NR2E3: variants seen among roughly 807,000 people sequenced by gnomAD.
The protein encoded by NR2E3 is photoreceptor-specific nuclear receptor.
A neutral mutation model predicts 37.6 loss-of-function variants in NR2E3; 38 were observed. The observed-to-expected ratio is 1.01, with a 90% CI of 0.78 to 1.33. The LOEUF is 1.33. NR2E3 is among the 40% of genes most tolerant of loss of function. The probability of loss-of-function intolerance (pLI) is 0.00; values close to 1 mark genes in which losing one functional copy is unlikely to be tolerated. For synonymous variants in NR2E3, 235 were observed against 225.1 expected (o/e 1.04, Z -0.39); for missense variants, 562 against 558.7 (o/e 1.01, Z -0.06).
chr15:71,811,990 C>T lies in NR2E3; in HGVS notation c.385C>T (p.Gln129Ter), dbSNP rs1259904914. The T allele has an allele frequency of 6.4e-7, 1 of 1,554,336 alleles. No homozygotes were observed. The highest frequency in any genetic ancestry group is 1.9e-5 in the Admixed American group (1 of 51,312). Residue 129 changes from glutamine to a stop codon, truncating the protein, a stop_gained, in exon 4 of 8, where the codon CAG (glutamine) becomes TAG (stop). Transcript: ENST00000617575. LOFTEE classifies it high-confidence loss of function. This position sits in a 1 kb window ranked among gnomAD's most constrained non-coding sequence, Gnocchi z 5.6. ...QNERQPRSTA[Q>*]VHLDSMESNT... ...CGAGCGCCAGCCGCGAAGCACAGCC[C>T]AGGTCCACCTGGACAGCATGGAGTC...
rs758675649 is a variant in NR2E3, at chr15:71,811,751, C to T, written c.246-15C>T. 1.3e-6 allele frequency: 2 copies of T among 1,549,776 alleles called. No individual in the cohort carries two copies. The highest frequency in any genetic ancestry group is 2.4e-5 in the South Asian group (2 of 83,950). ...GGAGGGACACTGACCCCTGGGGTCT[C>T]CTCTTCACCTGCAGGTGCCAGGTGG... is the stretch of plus-strand genomic sequence containing the variant. On this transcript the variant is annotated splice_polypyrimidine_tract_variant and intron_variant, in intron 2 of 7. Transcript: ENST00000617575. This position sits in a 1 kb window ranked among gnomAD's most constrained non-coding sequence, Gnocchi z 5.6.
intron 5 of NR2E3, among the ~76,000 whole-genome samples, chr15:71,812,999 A>G (rs1396736225): frequency 3.3e-5 from 5 of 152,066 alleles, no homozygotes; most frequent in Non-Finnish European, 7.4e-5. Flanking sequence ...GAAAACCAGG[A>G]GGAGAGGCAT....
rs555860015 is a variant in NR2E3 at position 71,811,487 on chromosome 15, G to A, written c.123G>A (p.Val41=). Residue 41 remains valine, a synonymous_variant, in exon 2 of 8, where the codon GTG becomes GTA. Coordinates refer to ENST00000617575, the MANE Select transcript of NR2E3 (RefSeq NM_014249.4). The surrounding 1 kb of genome is among the most constrained non-coding windows in gnomAD (Gnocchi z 5.6). ...RWGLGEDPTG[V]SPSLQCRVCG... ...GCCCTGCCCCCTGCCCCTCAGGCGT[G>A]AGCCCCTCGCTCCAGTGCCGCGTGT... is the stretch of plus-strand genomic sequence containing the variant. 7.0e-5 allele frequency: 109 copies of A among 1,556,926 alleles called. No individual in the cohort carries two copies. In the East Asian group the frequency reaches 2.5e-3, roughly 36 times the overall value.
At chr15:71,816,496 G>A (rs1480228636) in intron 7 of NR2E3, among the ~76,000 whole-genome samples, 5 of 151,962 alleles carry the variant, frequency 3.3e-5, no homozygotes, top group African/African-American at 7.2e-5. Flanking sequence ...TCCTGACCTC[G>A]TGTTCCGCCC....
rs1324209294 is a variant in NR2E3, at chr15:71,813,395, C to T, written c.754C>T (p.Leu252=). Residue 252 remains leucine (L), a synonymous_variant, in exon 6 of 8, where the codon CTG becomes TTG. Coordinates refer to ENST00000617575, the MANE Select transcript of NR2E3 (RefSeq NM_014249.4). The surrounding 1 kb of genome is among the most constrained non-coding windows in gnomAD (Gnocchi z 4.7). ...CACCCCTGTCTGAGCACAGGTGATC[C>T]TGCTGGAAGAGGCGTGGAGTGAACT... ...SSLPFRDQVI[L]LEEAWSELFL... is the part of the protein sequence containing the mutation. 10 of 1,611,388 alleles carry T rather than the reference C, an allele frequency of 6.2e-6. No homozygotes were observed. In the East Asian group the frequency reaches 8.9e-5, roughly 14 times the overall value.
intron 1 of NR2E3, 69 bp downstream of exon 1, chr15:71,810,930 C>A: frequency 6.9e-7 from 1 of 1,439,594 alleles, no homozygotes; most frequent in Non-Finnish European, 9.2e-7. Context: ...CAGAGGTTCG[C>A]AGGGACCATG....
Position 71,810,816 on chromosome 15 carries a change from A to G in NR2E3, c.73A>G (p.Arg25Gly). 1 of 1,572,506 alleles carries G rather than the reference A, an allele frequency of 6.4e-7. No individual in the cohort carries two copies. The highest frequency in any genetic ancestry group is 1.2e-5 in the South Asian group (1 of 85,330). ...TGCGCCTGCAGCTGGGGCTGCCTCC[A>G]GGAAGGAGTCTCCAGGCAGATGGGG... Reference protein sequence around the residue: ...AAAPAAGAASRKESPGRWGLG... With the variant: ...AAAPAAGAASGKESPGRWGLG... The change falls in exon 1 of 8, where the codon AGG becomes GGG. Residue 25 changes from arginine (R) to glycine (G), a missense_variant. Coordinates refer to ENST00000617575, the MANE Select transcript of NR2E3 (RefSeq NM_014249.4).
chr15:71,817,515 T>C (rs749272641), intron 7 of NR2E3, 37 bp from the exon 8 acceptor site: 1 of 1,563,032 alleles, frequency 6.4e-7, no homozygotes, highest in South Asian at 1.2e-5. Context: ...GCTCAGAAGC[T>C]GGTCGTAAAA....
Position 71,812,322 on chromosome 15 carries a change from T to A in NR2E3, c.572-14T>A. 2 of 1,613,304 alleles carry A rather than the reference T, an allele frequency of 1.2e-6. No homozygotes were observed. The highest frequency in any genetic ancestry group is 2.2e-5 in the South Asian group (2 of 91,010). On this transcript the variant is annotated splice_polypyrimidine_tract_variant and intron_variant, in intron 4 of 7. Transcript: ENST00000617575. ...AGAAGCAGGCGCTAAGATCACAACC[T>A]CCTCCTCCAACAGCTGATGAGAATA...
Position 71,813,309 on chromosome 15 carries a change from C to A in NR2E3, c.748-80C>A, listed in dbSNP as rs904875833. 9.7e-6 allele frequency: 15 copies of A among 1,542,476 alleles called. No homozygotes were observed. In the African/African-American group the frequency reaches 2.0e-4, roughly 21 times the overall value. On this transcript the variant is annotated intron_variant, in intron 5 of 7. Coordinates refer to ENST00000617575, the MANE Select transcript of NR2E3 (RefSeq NM_014249.4). This position sits in a 1 kb window ranked among gnomAD's most constrained non-coding sequence, Gnocchi z 4.7. ...GGACAGCACTTCCATTCCTTGGGTGCCTGAGATGGTGGCAGAGGCTCCAGA... is the reference window on the plus strand; with the variant it reads ...GGACAGCACTTCCATTCCTTGGGTGACTGAGATGGTGGCAGAGGCTCCAGA...
chr15:71,813,716 T>C lies in NR2E3; in HGVS notation c.994+81T>C. ...TCTCACTCTCCCTCCACTACCCCCA[T>C]GTGTGCAGATGTGTGTAGGCCTCTA... On this transcript the variant is annotated intron_variant, in intron 6 of 7. Coordinates refer to ENST00000617575, the MANE Select transcript of NR2E3 (RefSeq NM_014249.4). The surrounding 1 kb of genome is among the most constrained non-coding windows in gnomAD (Gnocchi z 4.7). The C allele has an allele frequency of 2.5e-6, 4 of 1,586,262 alleles. No individual in the cohort carries two copies. Among genetic ancestry groups the C allele is most frequent in the Non-Finnish European group, 2.6e-6 (3 of 1,165,686 alleles).
In NR2E3 at chr15:71,813,859, C is replaced by T. The variant is rs1253565639; in HGVS notation, c.995-153C>T. The stretch of plus-strand genomic sequence containing the variant: ...CCCCTGGGAGACCCTGAGCCCCAGC[C>T]GGAGCCCCTGGTGGCTCCTCTGGGC... On this transcript the variant is annotated intron_variant, in intron 6 of 7. Coordinates refer to ENST00000617575, the MANE Select transcript of NR2E3 (RefSeq NM_014249.4). This position sits in a 1 kb window ranked among gnomAD's most constrained non-coding sequence, Gnocchi z 4.7. Among the ~76,000 whole-genome samples the T allele has an allele frequency of 3.3e-5, 5 of 152,096 alleles. No homozygotes were observed. The highest frequency in any genetic ancestry group is 4.1e-4 in the South Asian group (2 of 4,822).
rs956067749 is a variant in NR2E3, at chr15:71,814,615, C to T, written c.1100+498C>T. 3.2e-6 allele frequency: 3 copies of T among 946,644 alleles called. No homozygotes were observed. The African/African-American group carries it at 5.3e-5, about 17-fold the overall frequency. 58.6% of individuals were successfully genotyped at this position (946,644 alleles called of 1,614,324 possible). ...ATGGGGAGAATAAGCCAGAAAAGTA[C>T]CCTAGGACCAGCCCGTTCAGGACTT... On this transcript the variant is annotated intron_variant, in intron 7 of 7. Coordinates refer to ENST00000617575, the MANE Select transcript of NR2E3 (RefSeq NM_014249.4).
rs2054236685 is a variant in NR2E3, at chr15:71,817,550, A to G, written c.1101-2A>G. 1 of 1,587,668 alleles carries G rather than the reference A, an allele frequency of 6.3e-7. No homozygotes were observed. Among genetic ancestry groups the G allele is most frequent in the Admixed American group, 1.7e-5 (1 of 59,692 alleles). ...ACTGATGGCGTCCTCTCTCCTGTTC[A>G]GGTTTGGGAAATTGCTCCTGCTCCT... On this transcript the variant is annotated splice_acceptor_variant, in intron 7 of 7. Transcript: ENST00000617575. LOFTEE classifies it high-confidence loss of function.
At chr15:71,815,340 C>G (rs1567161343) in intron 7 of NR2E3, among the ~76,000 whole-genome samples, 1 of 152,188 alleles carries the variant, frequency 6.6e-6, no homozygotes, top group Non-Finnish European at 1.5e-5. Flanking sequence ...AGGTAATTTC[C>G]TTTTAAGAAA....
At position 71,813,397 on chromosome 15, in the gene NR2E3, G is replaced by T; in HGVS notation, c.756G>T (p.Leu252=). 1 of 1,611,350 alleles carries T rather than the reference G, an allele frequency of 6.2e-7. No individual in the cohort carries two copies. Among genetic ancestry groups the T allele is most frequent in the Non-Finnish European group, 8.5e-7 (1 of 1,178,860 alleles). Residue 252 remains leucine, a synonymous_variant, in exon 6 of 8, where the codon CTG becomes CTT. Coordinates refer to ENST00000617575, the MANE Select transcript of NR2E3 (RefSeq NM_014249.4). The surrounding 1 kb of genome is among the most constrained non-coding windows in gnomAD (Gnocchi z 4.7). ...CCCCTGTCTGAGCACAGGTGATCCT[G>T]CTGGAAGAGGCGTGGAGTGAACTCT... ...SSLPFRDQVI[L]LEEAWSELFL...
rs1007824314 is a variant in NR2E3, at chr15:71,817,659, T to A, written c.1208T>A (p.Leu403His). The A allele has an allele frequency of 1.9e-6, 3 of 1,604,884 alleles. No individual in the cohort carries two copies. Among genetic ancestry groups the A allele is most frequent in the Non-Finnish European group, 2.6e-6 (3 of 1,172,382 alleles). ...KTIGNTPMEK[L>H]LCDMFKN ...ATAGGGAATACTCCAATGGAGAAGCTCCTTTGTGATATGTTCAAAAACTAG... is the reference window on the plus strand; with the variant it reads ...ATAGGGAATACTCCAATGGAGAAGCACCTTTGTGATATGTTCAAAAACTAG... Residue 403 changes from leucine to histidine, a missense_variant, in exon 8 of 8, where the codon CTC becomes CAC. By Grantham distance (99) the Leu-to-His change is moderately conservative. Transcript: ENST00000617575.
intron 7 of NR2E3, chr15:71,814,490 A>G (rs1028560397): frequency 2.8e-5 from 29 of 1,028,976 alleles, no homozygotes; most frequent in Non-Finnish European, 3.1e-5. Flanking sequence ...GAAGAAGTCT[A>G]AAAGAAAACA....
Position 71,817,595 on chromosome 15 carries a change from A to G in NR2E3, c.1144A>G (p.Thr382Ala), listed in dbSNP as rs1185599176. Residue 382 changes from threonine (T) to alanine (A), a missense_variant, in exon 8 of 8, where the codon ACT becomes GCT. Physicochemically the swap from Thr to Ala is moderately conservative, Grantham distance 58. Coordinates refer to ENST00000617575, the MANE Select transcript of NR2E3 (RefSeq NM_014249.4). ...LLLLPSLRFI[T>A]AERIELLFFR... ...GCTCCTCCCGTCTTTGAGGTTTATC[A>G]CTGCGGAACGCATCGAGCTCCTCTT... The G allele has an allele frequency of 6.2e-7, 1 of 1,603,634 alleles. No individual in the cohort carries two copies. The highest frequency in any genetic ancestry group is 8.5e-7 in the Non-Finnish European group (1 of 1,171,830).
Sources: allele counts gnomAD v4.1 joint callset (sites outside exome capture counted in the v4.1 genomes callset), GRCh38; gene constraint gnomAD v4.1.1; non-coding constraint Gnocchi (gnomAD v3.1); transcripts MANE v1.5; gene names NCBI Gene and HGNC (gene_info 2026-07-23, HGNC 2026-07-21).